Variants in APP observed in about 807,000 individuals in gnomAD.
APP encodes amyloid beta precursor protein.
Under a neutral mutation model 101.4 loss-of-function variants are expected in APP, and 31 were observed. The observed-to-expected ratio is 0.31, with a 90% CI of 0.23 to 0.41. The LOEUF (loss-of-function observed/expected upper bound fraction) is 0.41, where lower values mean the gene tolerates loss of function less well. Among genes scored for constraint, APP ranks in the 10% least tolerant of loss-of-function variants. The pLI, the probability that APP is intolerant of heterozygous loss-of-function variation, is 1.00. For synonymous variants in APP, 366 were observed against 364.4 expected (o/e 1.00, Z -0.05); for missense variants, 839 against 1,003.7 (o/e 0.84, Z 2.22).
At position 26,091,676 on chromosome 21, in the gene APP, G is replaced by A. The variant is rs145018567; in HGVS notation, c.226-1604C>T. Among the ~76,000 whole-genome samples, 687 of 152,270 alleles carry A rather than the reference G, an allele frequency of 4.5e-3. 6 individuals are homozygous for A. Among genetic ancestry groups the A allele is most frequent in the Non-Finnish European group, 7.2e-3 (492 of 68,012 alleles). ...CTGGAGATGACCAACAGGTGGAGGA[G>A]CAAAGTGATTTGTCTGAAAGCATGC... On this transcript the variant is annotated intron_variant, in intron 2 of 17. Coordinates refer to ENST00000346798, the MANE Select transcript of APP (RefSeq NM_000484.4).
At chr21:26,016,946 G>T (rs1234937771) in intron 6 of APP, among the ~76,000 whole-genome samples, 2 of 34,262 alleles carry the variant, frequency 5.8e-5, no homozygotes, top group Non-Finnish European at 1.8e-4. Context: ...GCGGGGGGCG[G>T]GGGGCGGGGG....
intron 13 of APP, among the ~76,000 whole-genome samples, chr21:25,940,270 A>G (rs1428724931): frequency 6.6e-6 from 1 of 152,132 alleles, no homozygotes; most frequent in Non-Finnish European, 1.5e-5. Flanking sequence ...AGTAGTAGTA[A>G]GGGATATCAG....
chr21:25,901,180 C>G lies in APP; in HGVS notation c.1964-3507G>C, dbSNP rs942294787. ...AGGTGTGGTGGCACATCCCTGTAAT[C>G]CCAGCTGCATGGGAAACTTAGGTGG... On this transcript the variant is annotated intron_variant, in intron 15 of 17. Transcript: ENST00000346798. 5.3e-5 allele frequency among the ~76,000 whole-genome samples: 8 copies of G among 151,748 alleles called. No individual in the cohort carries two copies. The South Asian group carries it at 1.0e-3, about 20-fold the overall frequency.
At chr21:26,141,310 C>A (rs2063040605) in intron 1 of APP, among the ~76,000 whole-genome samples, 1 of 152,176 alleles carries the variant, frequency 6.6e-6, no homozygotes, top group African/African-American at 2.4e-5. Flanking sequence ...TATAAACACC[C>A]TGATGATGTA....
intron 1 of APP, among the ~76,000 whole-genome samples, chr21:26,151,730 T>C (rs1436730844): frequency 6.6e-6 from 1 of 152,204 alleles, no homozygotes; most frequent in Non-Finnish European, 1.5e-5. Context: ...GAGCATCTAA[T>C]GCCCTGCTGA....
Position 26,112,039 on chromosome 21 carries a change from A to T in APP, c.165T>A (p.Asp55Glu). The T allele has an allele frequency of 6.2e-7, 1 of 1,614,158 alleles. No homozygotes were observed. The highest frequency in any genetic ancestry group is 8.5e-7 in the Non-Finnish European group (1 of 1,180,012). Residue 55 changes from aspartate to glutamate, a missense_variant, in exon 2 of 18, where the codon GAT becomes GAA. Physicochemically the swap from Asp to Glu is conservative, Grantham distance 45 (BLOSUM62 2). Coordinates refer to ENST00000346798, the MANE Select transcript of APP (RefSeq NM_000484.4). ...CAATGCAGGTTTTGGTCCCTGATGGATCTGAATCCCACTTCCCATTCTGGA... is the reference window on the plus strand; with the variant it reads ...CAATGCAGGTTTTGGTCCCTGATGGTTCTGAATCCCACTTCCCATTCTGGA... ...MNVQNGKWDS[D>E]PSGTKTCIDT...
chr21:26,020,308 T>C (rs565044299), intron 6 of APP, among the ~76,000 whole-genome samples: 2 of 152,228 alleles, frequency 1.3e-5, no homozygotes, highest in African/African-American at 4.8e-5. Flanking sequence ...TGGGAGTGAG[T>C]ATGTGTGATC....
intron 14 of APP, among the ~76,000 whole-genome samples, chr21:25,908,822 G>A (rs1166360039): frequency 6.6e-6 from 1 of 152,130 alleles, no homozygotes; most frequent in Non-Finnish European, 1.5e-5. Flanking sequence ...TTATTTTACA[G>A]ACGAGGAAGC....
chr21:26,060,968 T>A (rs534822662), intron 3 of APP, among the ~76,000 whole-genome samples: 5 of 152,192 alleles, frequency 3.3e-5, no homozygotes, highest in African/African-American at 1.2e-4. Flanking sequence ...GTACTCAGAG[T>A]AATGCTGGAA....
chr21:26,023,608 C>T (rs978447055), intron 5 of APP, among the ~76,000 whole-genome samples: 2 of 151,936 alleles, frequency 1.3e-5, no homozygotes, highest in African/African-American at 2.4e-5. Flanking sequence ...AAGGCTGGGG[C>T]GGGAGGATTG....
intron 5 of APP, among the ~76,000 whole-genome samples, chr21:26,028,472 A>G (rs1213887884): frequency 6.6e-6 from 1 of 152,206 alleles, no homozygotes; most frequent in Non-Finnish European, 1.5e-5. Context: ...CATAATGCAC[A>G]AGTGGAATAA....
At position 25,900,378 on chromosome 21, in the gene APP, C is replaced by CAA. The variant is rs60231150; in HGVS notation, c.1964-2707_1964-2706dup. Among the ~76,000 whole-genome samples the CAA allele has an allele frequency of 8.4e-5, 5 of 59,470 alleles. 1 individual carries two copies. The highest frequency in any genetic ancestry group is 1.4e-4 in the Non-Finnish European group (4 of 29,592). 39.0% of individuals were successfully genotyped at this position (59,470 alleles called of 152,430 possible). A position where few individuals can be genotyped will look rare whatever the true frequency, so the allele number is the denominator to read the frequency against. On this transcript the variant is annotated intron_variant, in intron 15 of 17. Coordinates refer to ENST00000346798, the MANE Select transcript of APP (RefSeq NM_000484.4). Reference sequence around the variant, plus strand: ...TGAAACCCTGTCTCTACTAAAAATACAAAAAAAAAAAAAAAAAAAAAAAAA... The same window carrying CAA: ...TGAAACCCTGTCTCTACTAAAAATACAAAAAAAAAAAAAAAAAAAAAAAAAAA...
At chr21:25,978,001 A>G (rs1203771872) in intron 9 of APP, among the ~76,000 whole-genome samples, 1 of 152,224 alleles carries the variant, frequency 6.6e-6, no homozygotes, top group African/African-American at 2.4e-5. Flanking sequence ...ATAGAAGTTC[A>G]ATGTTCTACT....
At chr21:26,071,865 T>C (rs117476165) in intron 3 of APP, among the ~76,000 whole-genome samples, 1,747 of 152,282 alleles carry the variant, frequency 0.011, 7 homozygotes, top group South Asian at 0.019. Context: ...CTAAATAAAG[T>C]GTGTACTCAA....
intron 1 of APP, among the ~76,000 whole-genome samples, chr21:26,160,837 T>C (rs1460000353): frequency 2.0e-5 from 3 of 152,322 alleles, no homozygotes; most frequent in African/African-American, 7.2e-5. Flanking sequence ...ATTTCAAAAA[T>C]GAGGCATTTT....
At chr21:26,014,940 C>G (rs181103253) in intron 6 of APP, among the ~76,000 whole-genome samples, 1 of 152,280 alleles carries the variant, frequency 6.6e-6, no homozygotes, top group African/African-American at 2.4e-5. Flanking sequence ...CTTAAAATAC[C>G]TGCAAGAAAT....
At chr21:25,908,564 G>A (rs975052144) in intron 14 of APP, among the ~76,000 whole-genome samples, 3 of 151,856 alleles carry the variant, frequency 2.0e-5, no homozygotes, top group African/African-American at 7.3e-5. Context: ...GAAGAGAGAC[G>A]GCTTTAGGAC....
chr21:25,883,720 C>T (rs1043065984), intron 17 of APP, among the ~76,000 whole-genome samples: 2 of 152,124 alleles, frequency 1.3e-5, no homozygotes, highest in African/African-American at 2.4e-5. Context: ...AAAAATAAAT[C>T]TGTCAGTATA....
chr21:25,994,958 C>G (rs2146655206), intron 8 of APP, among the ~76,000 whole-genome samples: 1 of 152,308 alleles, frequency 6.6e-6, no homozygotes, highest in East Asian at 1.9e-4. Context: ...TGAATAGTCT[C>G]TGTAGGCAGA....
Sources: gnomAD v4.1 joint callset for allele counts (sites outside exome capture counted in the v4.1 genomes callset) on GRCh38, gnomAD v4.1.1 for gene constraint, MANE v1.5 for transcripts, NCBI Gene and HGNC (gene_info 2026-07-23, HGNC 2026-07-21) for gene names.